SP100: variants seen among roughly 807,000 people sequenced by gnomAD.
The protein encoded by SP100 is SP100 nuclear body protein, also known as nuclear autoantigen Sp-100.
In SP100, 84 loss-of-function variants were observed where a neutral mutation model predicts 130.0. The ratio of observed to expected loss-of-function variants is 0.65; its 90% confidence interval spans 0.54 to 0.77. SP100 has a LOEUF of 0.77. Ranked by LOEUF, SP100 falls within the 30% of genes least tolerant of loss-of-function variation. SP100 has a pLI of 0.00. For missense variants in SP100, 978 were observed against 1,052.2 expected (o/e 0.93, Z 0.97); for synonymous variants, 331 against 351.7 (o/e 0.94, Z 0.66).
intron 24 of SP100, among the ~76,000 whole-genome samples, chr2:230,533,408 A>G (rs1047821366): frequency 6.6e-6 from 1 of 152,232 alleles, no homozygotes; most frequent in African/African-American, 2.4e-5. Context: ...AGTAATAACT[A>G]CTGGACACTA....
At position 230,542,053 on chromosome 2, in the gene SP100, C is replaced by T; in HGVS notation, c.2547+18C>T. On this transcript the variant is annotated intron_variant, in intron 28 of 28. Coordinates refer to ENST00000340126, the MANE Select transcript of SP100 (RefSeq NM_001080391.2). Reference sequence around the variant, plus strand: ...TTTACAGGGTGAGTGGCTCTCCCTGCTTCCTTTTCTCTTTCAATTACATCA... The same window carrying T: ...TTTACAGGGTGAGTGGCTCTCCCTGTTTCCTTTTCTCTTTCAATTACATCA... 6.2e-7 allele frequency: 1 copy of T among 1,611,576 alleles called. No individual in the cohort carries two copies. The highest frequency in any genetic ancestry group is 1.3e-5 in the African/African-American group (1 of 74,978).
At chr2:230,517,501 C>T (rs1690977482) in intron 24 of SP100, among the ~76,000 whole-genome samples, 2 of 152,246 alleles carry the variant, frequency 1.3e-5, no homozygotes, top group Middle Eastern at 3.4e-3. Context: ...ATAGCTAACA[C>T]CTGTAATCCC....
At chr2:230,449,368 T>C in intron 6 of SP100, 193 bp from the exon 7 acceptor site, 1 of 787,958 alleles carries the variant, frequency 1.3e-6, no homozygotes, top group Non-Finnish European at 2.2e-6. Context: ...TGCTGCTGGT[T>C]CCTGCTGCCG....
At chr2:230,455,381 G>T (rs908477788) in intron 8 of SP100, among the ~76,000 whole-genome samples, 8 of 152,010 alleles carry the variant, frequency 5.3e-5, no homozygotes, top group Admixed American at 2.6e-4. Context: ...GACCTTTTTT[G>T]CCTTGTTTTA....
intron 2 of SP100, among the ~76,000 whole-genome samples, chr2:230,442,089 C>T (rs1349641333): frequency 6.6e-6 from 1 of 151,984 alleles, no homozygotes; most frequent in Non-Finnish European, 1.5e-5. Context: ...TTGTTTCCTG[C>T]CTCATGTTAG....
chr2:230,518,572 G>T (rs1236922150), intron 24 of SP100, among the ~76,000 whole-genome samples: 4 of 151,524 alleles, frequency 2.6e-5, no homozygotes, highest in East Asian at 1.9e-4. Flanking sequence ...ATCTATTTTT[G>T]AATTTAATTT....
At chr2:230,497,554 A>C (rs7558002) in intron 18 of SP100, among the ~76,000 whole-genome samples, 1 of 40,606 alleles carries the variant, frequency 2.5e-5, no homozygotes, top group South Asian at 1.6e-3. Context: ...GAGGAAAGGA[A>C]AGGAAAGGAA....
intron 10 of SP100, 65 bp downstream of exon 10, chr2:230,462,583 G>A (rs1411484319): frequency 3.4e-6 from 4 of 1,164,424 alleles, no homozygotes; most frequent in Non-Finnish European, 5.2e-6. Context: ...ACTATTTCCT[G>A]AGGCATTTTA....
chr2:230,482,517 T>C (rs2065881297), intron 17 of SP100, among the ~76,000 whole-genome samples: 3 of 152,170 alleles, frequency 2.0e-5, no homozygotes, highest in Admixed American at 2.0e-4. Flanking sequence ...TTTGGGAATA[T>C]TAGGTGGAGA....
chr2:230,507,682 G>A lies in SP100; in HGVS notation c.2014-311G>A, dbSNP rs142715415. Among the ~76,000 whole-genome samples, 163 of 152,234 alleles carry A rather than the reference G, an allele frequency of 1.1e-3. 3 individuals are homozygous for A. The highest frequency in any genetic ancestry group is 3.4e-3 in the African/African-American group (143 of 41,552). On this transcript the variant is annotated intron_variant, in intron 22 of 28. Coordinates refer to ENST00000340126, the MANE Select transcript of SP100 (RefSeq NM_001080391.2). Reference sequence around the variant, plus strand: ...AAAAAGATGAACAACTAGCAAAAACGTAGAATGGGGCATTCTACATATATA... The same window carrying A: ...AAAAAGATGAACAACTAGCAAAAACATAGAATGGGGCATTCTACATATATA...
At chr2:230,437,007 C>CGCATATATGTGTAT in intron 2 of SP100, among the ~76,000 whole-genome samples, 2 of 140,224 alleles carry the variant, frequency 1.4e-5, no homozygotes, top group African/African-American at 5.3e-5. Context: ...TATACACACA[C>CGCATATATGTGTAT]ACACATATAT....
At chr2:230,420,177 C>T (rs1018068547) in intron 2 of SP100, among the ~76,000 whole-genome samples, 1 of 151,968 alleles carries the variant, frequency 6.6e-6, no homozygotes, top group Non-Finnish European at 1.5e-5. Flanking sequence ...TTTCCTTTTA[C>T]ATTTTCTAGT....
At chr2:230,527,587 A>G (rs1691490205) in intron 24 of SP100, among the ~76,000 whole-genome samples, 2 of 152,196 alleles carry the variant, frequency 1.3e-5, no homozygotes, top group African/African-American at 4.8e-5. Flanking sequence ...ATTAACCTCA[A>G]ATGTGAAAGG....
At chr2:230,486,216 A>AT (rs781331169) in intron 17 of SP100, among the ~76,000 whole-genome samples, 8 of 151,482 alleles carry the variant, frequency 5.3e-5, no homozygotes, top group South Asian at 2.1e-4. Context: ...GAAGTGCCAC[A>AT]TTTTTTTTTA....
chr2:230,440,813 G>A (rs1003918341), intron 2 of SP100, among the ~76,000 whole-genome samples: 13 of 152,054 alleles, frequency 8.5e-5, no homozygotes, highest in Admixed American at 5.2e-4. Flanking sequence ...ACCAGCATAA[G>A]GGTAGACAAA....
chr2:230,436,482 A>G (rs368144506), intron 2 of SP100, among the ~76,000 whole-genome samples: 1 of 152,088 alleles, frequency 6.6e-6, no homozygotes, highest in South Asian at 2.1e-4. Flanking sequence ...CTGATGGTAT[A>G]AGGGCCTCTT....
At chr2:230,458,555 G>T (rs555314690) in intron 8 of SP100, among the ~76,000 whole-genome samples, 2 of 152,322 alleles carry the variant, frequency 1.3e-5, no homozygotes, top group East Asian at 3.9e-4. Context: ...TCCATACATT[G>T]TCATGTTGTG....
At chr2:230,464,018 T>C (rs1268011402) in intron 10 of SP100, 49 bp from the exon 11 acceptor site, 3 of 1,270,794 alleles carry the variant, frequency 2.4e-6, no homozygotes, top group Non-Finnish European at 3.4e-6. Context: ...CTGAACTGAT[T>C]CCTTGGTCAC....
At chr2:230,509,805 G>A (rs970190374) in intron 23 of SP100, 3 of 152,296 alleles carry the variant, frequency 2.0e-5, no homozygotes, top group East Asian at 1.9e-4. Context: ...CAAGCTAATC[G>A]TTTACTGGCT....
Sources: allele counts gnomAD v4.1 joint callset (sites outside exome capture counted in the v4.1 genomes callset), GRCh38; gene constraint gnomAD v4.1.1; transcripts MANE v1.5; gene names NCBI Gene and HGNC (gene_info 2026-07-23, HGNC 2026-07-21).